NEGR1: variants seen among roughly 807,000 people sequenced by gnomAD.
The protein encoded by NEGR1 is IgLON family member 4.
In NEGR1, 10 loss-of-function variants were observed where a neutral mutation model predicts 40.9. The observed-to-expected ratio is 0.24, with a 90% CI of 0.15 to 0.42. The LOEUF (loss-of-function observed/expected upper bound fraction) is 0.42, where lower values mean the gene tolerates loss of function less well. Ranked by LOEUF, NEGR1 falls within the 10% of genes least tolerant of loss-of-function variation. The pLI, the probability that NEGR1 is intolerant of heterozygous loss-of-function variation, is 1.00. For missense variants in NEGR1, 352 were observed against 438.9 expected (o/e 0.80, Z 1.77); for synonymous variants, 185 against 166.8 (o/e 1.11, Z -0.84).
rs192747834 is a variant in NEGR1, at chr1:71,848,947, G to A, written c.410-72650C>T. The stretch of plus-strand genomic sequence containing the variant: ...TCTAATAAAAATACAAAAATTAGCC[G>A]GGTGTGGGGGCGCACGCCTATAATC... On this transcript the variant is annotated intron_variant, in intron 2 of 6. Coordinates refer to ENST00000357731, the MANE Select transcript of NEGR1 (RefSeq NM_173808.3). 3.2e-4 allele frequency among the ~76,000 whole-genome samples: 48 copies of A among 152,116 alleles called. No individual in the cohort carries two copies. In the East Asian group the frequency reaches 8.1e-3, roughly 26 times the overall value.
intron 2 of NEGR1, among the ~76,000 whole-genome samples, chr1:71,920,531 C>T (rs1467369896): frequency 6.6e-6 from 1 of 152,206 alleles, no homozygotes; most frequent in Non-Finnish European, 1.5e-5. Context: ...GTCCTAGCCC[C>T]TACCTAACTT....
intron 1 of NEGR1, among the ~76,000 whole-genome samples, chr1:72,012,877 ATT>A (rs147414036): frequency 9.4e-5 from 13 of 138,700 alleles, no homozygotes; most frequent in Non-Finnish European, 1.4e-4. Context: ...ATATATATAT[ATT>A]TTTTTTTTTG....
chr1:72,209,620 C>T (rs550119158), intron 1 of NEGR1, among the ~76,000 whole-genome samples: 7 of 151,774 alleles, frequency 4.6e-5, no homozygotes, highest in African/African-American at 1.4e-4. Context: ...TTTGTACTAC[C>T]GATATGACAT....
At chr1:71,982,467 C>T (rs1018803852) in intron 1 of NEGR1, among the ~76,000 whole-genome samples, 3 of 152,250 alleles carry the variant, frequency 2.0e-5, no homozygotes, top group East Asian at 1.9e-4. Flanking sequence ...TGTCAACACT[C>T]TTTTCATAAA....
chr1:72,173,817 C>A (rs1460178238), intron 1 of NEGR1, among the ~76,000 whole-genome samples: 1 of 152,062 alleles, frequency 6.6e-6, no homozygotes, highest in Non-Finnish European at 1.5e-5. Flanking sequence ...GTGGCAGGCA[C>A]CTGTCATCCC....
chr1:71,600,796 A>G (rs1268559418), intron 5 of NEGR1, among the ~76,000 whole-genome samples: 1 of 152,228 alleles, frequency 6.6e-6, no homozygotes, highest in Non-Finnish European at 1.5e-5. Context: ...GGCTTCATAC[A>G]TAAAGTGTAA....
chr1:71,421,012 A>G (rs1011476989), intron 6 of NEGR1, among the ~76,000 whole-genome samples: 1 of 152,074 alleles, frequency 6.6e-6, no homozygotes, highest in Admixed American at 6.5e-5. Context: ...AAATGTTGGA[A>G]ATAATTTCCA....
intron 2 of NEGR1, among the ~76,000 whole-genome samples, chr1:71,795,957 AT>A (rs796887724): frequency 7.9e-5 from 12 of 152,244 alleles, no homozygotes; most frequent in African/African-American, 2.6e-4. Context: ...CAAAGGCCTC[AT>A]TTGGTCCCAG....
At chr1:72,180,034 A>G (rs1414968940) in intron 1 of NEGR1, among the ~76,000 whole-genome samples, 2 of 152,072 alleles carry the variant, frequency 1.3e-5, no homozygotes, top group African/African-American at 2.4e-5. Flanking sequence ...AAAAAATCCT[A>G]AAATTTGCAT....
chr1:72,151,460 C>A (rs922166573), intron 1 of NEGR1, among the ~76,000 whole-genome samples: 1 of 151,318 alleles, frequency 6.6e-6, no homozygotes, highest in African/African-American at 2.4e-5. Context: ...AATGATAATA[C>A]AATAGGATGC....
At chr1:71,648,059 T>A (rs1214939828) in intron 4 of NEGR1, among the ~76,000 whole-genome samples, 3 of 152,022 alleles carry the variant, frequency 2.0e-5, no homozygotes, top group Non-Finnish European at 2.9e-5. Context: ...CCTACTAGTT[T>A]TTCTTGAGCC....
chr1:71,570,887 G>A (rs1053165914), intron 6 of NEGR1: 1 of 151,960 alleles, frequency 6.6e-6, no homozygotes, highest in East Asian at 1.9e-4. Flanking sequence ...TATTGTGTTT[G>A]TGTGATTTTA....
chr1:72,043,285 A>G (rs920321327), intron 1 of NEGR1, among the ~76,000 whole-genome samples: 1 of 151,976 alleles, frequency 6.6e-6, no homozygotes, highest in South Asian at 2.1e-4. Flanking sequence ...TAGATTTCTA[A>G]TACTTTTGTA....
intron 2 of NEGR1, among the ~76,000 whole-genome samples, chr1:71,922,774 T>C (rs981073348): frequency 6.6e-6 from 1 of 152,208 alleles, no homozygotes; most frequent in African/African-American, 2.4e-5. Flanking sequence ...TCAAGAAATA[T>C]ATATCTAATT....
intron 1 of NEGR1, among the ~76,000 whole-genome samples, chr1:72,187,170 A>C (rs1410282957): frequency 6.6e-6 from 1 of 151,358 alleles, no homozygotes; most frequent in Non-Finnish European, 1.5e-5. Flanking sequence ...TTCTTTATTT[A>C]GGGTTTATCT....
intron 4 of NEGR1, among the ~76,000 whole-genome samples, chr1:71,696,535 T>C (rs1653479583): frequency 6.6e-6 from 1 of 151,796 alleles, no homozygotes. Flanking sequence ...CCTTAGTAGA[T>C]ATATGTCTCT....
chr1:72,127,259 T>C (rs967987379), intron 1 of NEGR1, among the ~76,000 whole-genome samples: 6 of 151,618 alleles, frequency 4.0e-5, no homozygotes, highest in African/African-American at 1.2e-4. Context: ...CGTCAGGAGA[T>C]TGAGACCATC....
chr1:71,528,798 A>AC (rs943149771), intron 6 of NEGR1, among the ~76,000 whole-genome samples: 28 of 151,242 alleles, frequency 1.9e-4, no homozygotes, highest in African/African-American at 6.5e-4. Flanking sequence ...TGGTAAAAAA[A>AC]CAATTGTTTC....
At chr1:71,819,453 G>A (rs993354998) in intron 2 of NEGR1, among the ~76,000 whole-genome samples, 3 of 151,840 alleles carry the variant, frequency 2.0e-5, no homozygotes, top group Non-Finnish European at 2.9e-5. Flanking sequence ...TGTAAAATAA[G>A]AAGAGTATAT....
Sources: gnomAD v4.1 joint callset for allele counts (sites outside exome capture counted in the v4.1 genomes callset) on GRCh38, gnomAD v4.1.1 for gene constraint, MANE v1.5 for transcripts, NCBI Gene and HGNC (gene_info 2026-07-23, HGNC 2026-07-21) for gene names.